Variants in NMU observed in about 807,000 individuals in gnomAD.
The protein encoded by NMU is neuromedin U, also known as neuromedin-U.
In NMU, 29 loss-of-function variants were observed where a neutral mutation model predicts 35.4. That is an observed-to-expected ratio of 0.82 (90% CI 0.61 to 1.12). The LOEUF is 1.12. NMU is among the 50% of genes most tolerant of loss of function. The pLI is 0.00. For missense variants in NMU, 199 were observed against 206.2 expected, an observed-to-expected ratio of 0.97 and a Z score of 0.21; for synonymous variants, 78 against 81.3, an observed-to-expected ratio of 0.96 and a Z score of 0.22.
chr4:55,611,012 C>T (rs1733907882), intron 3 of NMU, among the ~76,000 whole-genome samples: 1 of 152,100 alleles, frequency 6.6e-6, no homozygotes, highest in Non-Finnish European at 1.5e-5. Flanking sequence ...TACACCTGTT[C>T]AGCATGTTTG....
Position 55,607,418 on chromosome 4 carries a change from T to G in NMU, c.309+19A>C. ...CCCTTATTATTTTATAAGGTATAGA[T>G]GTATGAAAATCATCTTACCCTTTTA... On this transcript the variant is annotated intron_variant, in intron 5 of 9. Transcript: ENST00000264218. 8.5e-7 allele frequency: 1 copy of G among 1,182,708 alleles called. No homozygotes were observed. The highest frequency in any genetic ancestry group is 1.3e-6 in the Non-Finnish European group (1 of 797,752). The allele number at this position is 1,182,708 out of a possible 1,614,324, so 73.3% of individuals were successfully genotyped here. A position where few individuals can be genotyped will look rare whatever the true frequency, so the allele number is the denominator to read the frequency against.
At chr4:55,607,576 A>T in intron 4 of NMU, 110 bp from the exon 5 acceptor site, 1 of 389,684 alleles carries the variant, frequency 2.6e-6, no homozygotes, top group Non-Finnish European at 4.7e-6. Flanking sequence ...CACATGACTC[A>T]TGTTACATAT....
intron 2 of NMU, among the ~76,000 whole-genome samples, chr4:55,617,784 G>A (rs1365610193): frequency 1.3e-5 from 2 of 152,164 alleles, no homozygotes; most frequent in African/African-American, 4.8e-5. Context: ...GCAGGTATCT[G>A]AAGACATTAC....
At chr4:55,618,589 GTCTT>G (rs955833393) in intron 2 of NMU, among the ~76,000 whole-genome samples, 6 of 150,958 alleles carry the variant, frequency 4.0e-5, no homozygotes, top group South Asian at 4.2e-4. Flanking sequence ...TTTCTTTCTT[GTCTT>G]TCTTTCTTCT....
intron 9 of NMU, among the ~76,000 whole-genome samples, chr4:55,597,026 T>A (rs1366569960): frequency 2.6e-5 from 4 of 152,180 alleles, no homozygotes. Context: ...TGAAAACTTT[T>A]AACACACTTC....
rs769111586 is a variant in NMU at position 55,605,284 on chromosome 4, G to C, written c.426C>G (p.Phe142Leu). 15 of 1,611,398 alleles carry C rather than the reference G, an allele frequency of 9.3e-6. No individual in the cohort carries two copies. In the South Asian group the frequency reaches 1.6e-4, roughly 18 times the overall value. Residue 142 changes from phenylalanine to leucine, a missense_variant, in exon 7 of 10, where the codon TTC becomes TTG. Physicochemically the swap from Phe to Leu is conservative, Grantham distance 22. Transcript: ENST00000264218. ...AGTTTGTATTACATACGTCCACTCT[G>C]AATCTCTTCATTCTTCTCTCATGCA... ...PHLHERRMKR[F>L]RVDEEFQSPF...
Position 55,636,104 on chromosome 4 carries a change from G to A in NMU, c.89C>T (p.Ala30Val). ...SPLLLLLLLL[A>V]WCAGACRGAP... is the part of the protein sequence containing the mutation. ...ACCTCGGCAGGCGCCCGCGCACCAG[G>A]CGAGCAGCAGCAGCAGCAGCAGGAG... Residue 30 changes from alanine (A) to valine (V), a missense_variant, in exon 1 of 10, where the codon GCC (alanine) becomes GTC (valine). Transcript: ENST00000264218. The surrounding 1 kb of genome is among the most constrained non-coding windows in gnomAD (Gnocchi z 4.0). 2 of 1,530,566 alleles carry A rather than the reference G, an allele frequency of 1.3e-6. No individual in the cohort carries two copies. The highest frequency in any genetic ancestry group is 1.7e-6 in the Non-Finnish European group (2 of 1,144,854). 94.8% of individuals were successfully genotyped at this position (1,530,566 alleles called of 1,614,324 possible). A position where few individuals can be genotyped will look rare whatever the true frequency, so the allele number is the denominator to read the frequency against.
chr4:55,595,644 T>TATA (rs1491159315), intron 9 of NMU, among the ~76,000 whole-genome samples: 23 of 53,658 alleles, frequency 4.3e-4, no homozygotes, highest in African/African-American at 1.4e-3. Flanking sequence ...TATATATATA[T>TATA]TTTTTTTTTT....
intron 7 of NMU, among the ~76,000 whole-genome samples, chr4:55,603,697 G>A (rs1560513071): frequency 1.3e-5 from 2 of 151,576 alleles, no homozygotes; most frequent in South Asian, 2.1e-4. Context: ...CGGATCACGA[G>A]GTCAGGAGAT....
intron 7 of NMU, among the ~76,000 whole-genome samples, chr4:55,601,348 G>T (rs1267537172): frequency 2.6e-5 from 4 of 151,870 alleles, no homozygotes; most frequent in Non-Finnish European, 5.9e-5. Flanking sequence ...TTTCAGCCAA[G>T]ACCTTTTTCA....
chr4:55,635,577 TTA>T (rs1393058002), intron 1 of NMU, among the ~76,000 whole-genome samples: 1 of 152,168 alleles, frequency 6.6e-6, no homozygotes, highest in Non-Finnish European at 1.5e-5. Context: ...CCGCTCAGGT[TTA>T]TCTCAGCATA....
intron 7 of NMU, among the ~76,000 whole-genome samples, chr4:55,601,597 C>A (rs1330555343): frequency 1.3e-5 from 2 of 151,902 alleles, no homozygotes; most frequent in Non-Finnish European, 2.9e-5. Context: ...ATATGTATAA[C>A]TATAATAAAC....
intron 9 of NMU, among the ~76,000 whole-genome samples, chr4:55,598,563 C>G (rs533858948): frequency 2.9e-4 from 44 of 152,266 alleles, no homozygotes; most frequent in Admixed American, 2.2e-3. Context: ...GAACAGTCAA[C>G]AGCTACTAAA....
At chr4:55,608,998 A>G (rs1733818532) in intron 4 of NMU, 122 bp downstream of exon 4, 1 of 792,538 alleles carries the variant, frequency 1.3e-6, no homozygotes, top group Non-Finnish European at 2.2e-6. Flanking sequence ...TCCAAAAACA[A>G]TTTTTCCTCT....
intron 6 of NMU, among the ~76,000 whole-genome samples, chr4:55,606,724 C>A (rs1461464980): frequency 6.0e-5 from 9 of 149,416 alleles, no homozygotes; most frequent in Non-Finnish European, 3.0e-5. Flanking sequence ...GTCGTCCAGG[C>A]TGGAGTGCAG....
chr4:55,610,452 G>A (rs1184217620), intron 3 of NMU, among the ~76,000 whole-genome samples: 2 of 148,494 alleles, frequency 1.3e-5, no homozygotes, highest in Non-Finnish European at 3.0e-5. Context: ...GATGGAGTGA[G>A]ACTCTGTCTC....
intron 7 of NMU, among the ~76,000 whole-genome samples, chr4:55,604,796 G>T (rs923798337): frequency 2.0e-5 from 3 of 146,718 alleles, no homozygotes; most frequent in Non-Finnish European, 4.5e-5. Flanking sequence ...GCCTTCCAAA[G>T]TTGAAGGGAT....
chr4:55,616,797 T>A (rs1265724052), intron 2 of NMU, among the ~76,000 whole-genome samples: 2 of 152,152 alleles, frequency 1.3e-5, no homozygotes, highest in South Asian at 2.1e-4. Flanking sequence ...TAAATTAACA[T>A]AATAACAGCA....
chr4:55,609,211 C>G (rs762318281), intron 3 of NMU, 32 bp from the exon 4 acceptor site: 1 of 1,557,930 alleles, frequency 6.4e-7, no homozygotes. Flanking sequence ...GTAAGTTATG[C>G]TTCTGCTTTA....
Sources: gnomAD v4.1 joint callset for allele counts (sites outside exome capture counted in the v4.1 genomes callset) on GRCh38, gnomAD v4.1.1 for gene constraint, Gnocchi (gnomAD v3.1) non-coding constraint, MANE v1.5 for transcripts, NCBI Gene and HGNC (gene_info 2026-07-23, HGNC 2026-07-21) for gene names.